FHIT: variants seen among roughly 807,000 people sequenced by gnomAD.
The protein encoded by FHIT is bis(5'-adenosyl)-triphosphatase.
In FHIT, 19 loss-of-function variants were observed where a neutral mutation model predicts 17.9. That is an observed-to-expected ratio of 1.06 (90% CI 0.74 to 1.56). FHIT has a LOEUF of 1.56. FHIT is among the 40% of genes most tolerant of loss of function. The probability of loss-of-function intolerance (pLI) is 0.00; values close to 1 mark genes in which losing one functional copy is unlikely to be tolerated. For synonymous variants in FHIT, 81 were observed against 69.7 expected, an observed-to-expected ratio of 1.16 and a Z score of -0.81; for missense variants, 248 against 189.2, an observed-to-expected ratio of 1.31 and a Z score of -1.82.
chr3:60,663,587 C>T (rs1473826427), intron 4 of FHIT, among the ~76,000 whole-genome samples: 4 of 152,128 alleles, frequency 2.6e-5, no homozygotes, highest in Admixed American at 2.0e-4. Flanking sequence ...AGGCACCCAC[C>T]ACCATGCCCG....
At chr3:60,846,849 A>G (rs1207617912) in intron 3 of FHIT, among the ~76,000 whole-genome samples, 2 of 150,744 alleles carry the variant, frequency 1.3e-5, no homozygotes, top group Non-Finnish European at 3.0e-5. Flanking sequence ...TTTGAGATGG[A>G]GTCTTGCTCT....
At chr3:61,148,192 T>C (rs900402068) in intron 2 of FHIT, among the ~76,000 whole-genome samples, 1 of 152,082 alleles carries the variant, frequency 6.6e-6, no homozygotes, top group African/African-American at 2.4e-5. Context: ...AAAGAAATTC[T>C]ATATGAATTA....
intron 5 of FHIT, among the ~76,000 whole-genome samples, chr3:60,225,422 C>G (rs17062519): frequency 0.026 from 3,996 of 152,228 alleles, 183 homozygotes; most frequent in African/African-American, 0.09. Flanking sequence ...GTATCTGTAC[C>G]TGGAGAACAG....
chr3:60,115,295 C>G (rs76624557), intron 5 of FHIT, among the ~76,000 whole-genome samples: 4 of 152,064 alleles, frequency 2.6e-5, no homozygotes, highest in African/African-American at 9.7e-5. Context: ...CATCTTCAGA[C>G]AGAGTGCTAT....
At chr3:60,522,046 G>T (rs377217029) in intron 5 of FHIT, among the ~76,000 whole-genome samples, 1 of 151,032 alleles carries the variant, frequency 6.6e-6, no homozygotes, top group Admixed American at 6.6e-5. Context: ...GGTGGCAGGT[G>T]AAGGTCAGAG....
intron 1 of FHIT, among the ~76,000 whole-genome samples, chr3:61,205,709 G>T (rs75340275): frequency 1.3e-5 from 2 of 152,126 alleles, no homozygotes; most frequent in South Asian, 2.1e-4. Flanking sequence ...TTGTAGATTC[G>T]GGATATTAGC....
intron 5 of FHIT, among the ~76,000 whole-genome samples, chr3:60,040,556 C>A (rs1404996637): frequency 6.6e-6 from 1 of 152,210 alleles, no homozygotes. Flanking sequence ...CCTCCTCACA[C>A]TTACCTTTTC....
chr3:60,347,983 T>C (rs966400941), intron 5 of FHIT, among the ~76,000 whole-genome samples: 1 of 152,098 alleles, frequency 6.6e-6, no homozygotes. Context: ...GGTCTCAAAC[T>C]CCTCACCTCA....
chr3:60,537,154 T>C (rs776916219), intron 4 of FHIT, among the ~76,000 whole-genome samples, 175 bp from the exon 5 acceptor site: 4 of 152,124 alleles, frequency 2.6e-5, no homozygotes, highest in Non-Finnish European at 5.9e-5. Flanking sequence ...CTTTCTAAAA[T>C]ACTCCACTCT....
chr3:60,064,128 G>C (rs931694464), intron 5 of FHIT, among the ~76,000 whole-genome samples: 2 of 152,068 alleles, frequency 1.3e-5, no homozygotes, highest in Admixed American at 6.6e-5. Flanking sequence ...GAGAAGGAAA[G>C]GAAAGTTTTC....
chr3:60,626,170 G>A (rs2039280541), intron 4 of FHIT, among the ~76,000 whole-genome samples: 2 of 151,954 alleles, frequency 1.3e-5, no homozygotes, highest in East Asian at 1.9e-4. Flanking sequence ...CTCCAAGTTC[G>A]CACTTTTTTT....
At chr3:60,855,232 T>G (rs1465072024) in intron 3 of FHIT, among the ~76,000 whole-genome samples, 1 of 152,148 alleles carries the variant, frequency 6.6e-6, no homozygotes, top group Non-Finnish European at 1.5e-5. Flanking sequence ...AACCCAATCA[T>G]GGCGATACTA....
intron 2 of FHIT, among the ~76,000 whole-genome samples, chr3:61,167,628 C>CAAAAAAAAAAAAAAAAAAAAAA (rs34229498): frequency 1.0e-5 from 1 of 98,964 alleles, no homozygotes; most frequent in African/African-American, 3.7e-5. Context: ...AACTGTGTCT[C>CAAAAAAAAAAAAAAAAAAAAAA]AAAAAAAAAA....
chr3:61,244,826 G>A (rs1408652307), intron 1 of FHIT, among the ~76,000 whole-genome samples: 5 of 152,084 alleles, frequency 3.3e-5, no homozygotes, highest in Non-Finnish European at 5.9e-5. Context: ...ATCAAATCTA[G>A]CATAAAAAAT....
intron 3 of FHIT, among the ~76,000 whole-genome samples, chr3:60,832,621 T>C (rs1702370074): frequency 6.6e-6 from 1 of 151,938 alleles, no homozygotes; most frequent in Non-Finnish European, 1.5e-5. Flanking sequence ...TGGTCACAAC[T>C]ATTTTTTCTC....
intron 7 of FHIT, among the ~76,000 whole-genome samples, chr3:59,960,646 A>G (rs1182673128): frequency 6.6e-6 from 1 of 152,220 alleles, no homozygotes; most frequent in Non-Finnish European, 1.5e-5. Flanking sequence ...AACAATGTTC[A>G]TGGAAAGCAA....
chr3:60,804,220 A>C (rs1701302160), intron 4 of FHIT, among the ~76,000 whole-genome samples: 1 of 152,214 alleles, frequency 6.6e-6, no homozygotes, highest in South Asian at 2.1e-4. Context: ...TAACTTGCTG[A>C]AAAGTGATCA....
rs113569457 is a variant in FHIT, at chr3:60,178,766, C to G, written c.104-164614G>C. ...GATATATATTGAAGAAAGACTTTCACAGATCAAATAAGGTAGGGAAATTCT... is the reference window on the plus strand; with the variant it reads ...GATATATATTGAAGAAAGACTTTCAGAGATCAAATAAGGTAGGGAAATTCT... On this transcript the variant is annotated intron_variant, in intron 5 of 9. Coordinates refer to ENST00000492590, the MANE Select transcript of FHIT (RefSeq NM_002012.4). Among the ~76,000 whole-genome samples, 1,295 of 152,228 alleles carry G rather than the reference C, an allele frequency of 8.5e-3. 6 individuals are homozygous for G. Among genetic ancestry groups the G allele is most frequent in the Non-Finnish European group, 0.014 (929 of 68,010 alleles).
At chr3:61,250,018 A>T (rs2040579336) in intron 1 of FHIT, among the ~76,000 whole-genome samples, 1 of 151,030 alleles carries the variant, frequency 6.6e-6, no homozygotes, top group South Asian at 2.1e-4. Flanking sequence ...TTTACTAAAT[A>T]TTTCTAGTCC....
Sources: gnomAD v4.1 joint callset for allele counts (sites outside exome capture counted in the v4.1 genomes callset) on GRCh38, gnomAD v4.1.1 for gene constraint, MANE v1.5 for transcripts, NCBI Gene and HGNC (gene_info 2026-07-23, HGNC 2026-07-21) for gene names.